AGK: variants seen among roughly 807,000 people sequenced by gnomAD.
The protein encoded by AGK is acylglycerol kinase, also known as acylglycerol kinase, mitochondrial.
Under a neutral mutation model 66.4 loss-of-function variants are expected in AGK, and 52 were observed. The observed-to-expected ratio is 0.78, with a 90% CI of 0.63 to 0.99. The LOEUF (loss-of-function observed/expected upper bound fraction) is 0.99. Ranked by LOEUF, AGK falls within the 50% of genes least tolerant of loss-of-function variation. AGK has a pLI of 0.00. For missense variants in AGK, 451 were observed against 506.6 expected, an observed-to-expected ratio of 0.89 and a Z score of 1.05; for synonymous variants, 182 against 181.1, an observed-to-expected ratio of 1.00 and a Z score of -0.04.
chr7:141,652,960 G>A lies in AGK; in HGVS notation c.*36G>A. 1 of 1,611,284 alleles carries A rather than the reference G, an allele frequency of 6.2e-7. No homozygotes were observed. The highest frequency in any genetic ancestry group is 1.1e-5 in the South Asian group (1 of 90,946). On this transcript the variant is annotated 3_prime_UTR_variant, in exon 16 of 16. Coordinates refer to ENST00000649286, the MANE Select transcript of AGK (RefSeq NM_018238.4). ...ACAAGCACTCTGAGACCACACTTTAGGCCACCGGTGGGACCAAAAGGGAAC... is the reference window on the plus strand; with the variant it reads ...ACAAGCACTCTGAGACCACACTTTAAGCCACCGGTGGGACCAAAAGGGAAC...
intron 13 of AGK, among the ~76,000 whole-genome samples, chr7:141,645,270 G>A (rs1308277449): frequency 6.6e-6 from 1 of 151,824 alleles, no homozygotes; most frequent in Admixed American, 6.6e-5. Context: ...GTCTTTTGCT[G>A]GATATATTCC....
At chr7:141,624,992 C>T (rs570734792) in intron 9 of AGK, among the ~76,000 whole-genome samples, 1 of 152,314 alleles carries the variant, frequency 6.6e-6, no homozygotes, top group Admixed American at 6.5e-5. Context: ...GCAACCACCA[C>T]CCTGATCAGT....
chr7:141,654,944 G>T lies in AGK; in HGVS notation c.*2020G>T, dbSNP rs996931815. ...GCTTTTGGCAAAAACATAACAGACGGTTCCAAACATCAGCATAAAGATCAC... is the reference window on the plus strand; with the variant it reads ...GCTTTTGGCAAAAACATAACAGACGTTTCCAAACATCAGCATAAAGATCAC... On this transcript the variant is annotated 3_prime_UTR_variant, in exon 16 of 16. Transcript: ENST00000649286. The T allele has an allele frequency of 6.6e-6, 1 of 152,176 alleles. No homozygotes were observed. The highest frequency in any genetic ancestry group is 1.5e-5 in the Non-Finnish European group (1 of 68,044). 9.4% of individuals were successfully genotyped at this position (152,176 alleles called of 1,614,324 possible). A position where few individuals can be genotyped will look rare whatever the true frequency, so the allele number is the denominator to read the frequency against.
chr7:141,582,953 T>G (rs1562964359), intron 2 of AGK, among the ~76,000 whole-genome samples: 1 of 151,630 alleles, frequency 6.6e-6, no homozygotes, highest in African/African-American at 2.4e-5. Flanking sequence ...TACTTGGGGT[T>G]GGGACTGAGG....
At chr7:141,639,554 A>T (rs1378988046) in intron 11 of AGK, among the ~76,000 whole-genome samples, 1 of 152,134 alleles carries the variant, frequency 6.6e-6, no homozygotes, top group Admixed American at 6.6e-5. Flanking sequence ...GAAGAGGAGT[A>T]AAGGGTAGGT....
intron 7 of AGK, among the ~76,000 whole-genome samples, chr7:141,614,849 G>A (rs1188902233): frequency 6.6e-6 from 1 of 152,158 alleles, no homozygotes. Flanking sequence ...GGGCACATGG[G>A]TGTTTTTGTA....
chr7:141,626,288 A>C (rs768044624), intron 9 of AGK, among the ~76,000 whole-genome samples: 37 of 152,234 alleles, frequency 2.4e-4, no homozygotes, highest in Non-Finnish European at 4.3e-4. Flanking sequence ...ATGAGTTTCC[A>C]GTGATATTTC....
intron 1 of AGK, among the ~76,000 whole-genome samples, chr7:141,551,639 C>T (rs990065789): frequency 1.3e-5 from 2 of 152,120 alleles, no homozygotes; most frequent in Non-Finnish European, 2.9e-5. Flanking sequence ...CGGGCCTGGC[C>T]GGCGCGGCAG....
chr7:141,567,944 A>G (rs931477977), intron 2 of AGK, among the ~76,000 whole-genome samples: 4 of 152,210 alleles, frequency 2.6e-5, no homozygotes, highest in Admixed American at 6.5e-5. Context: ...TAATATCTCA[A>G]TGGGTCACTG....
rs1796765807 is a variant in AGK, at chr7:141,618,962, A to G, written c.519-2770A>G. ...ACACTAACACTGATATACCTTTACA[A>G]AAACATGAAATACATATGGATAAAT... On this transcript the variant is annotated intron_variant, in intron 8 of 15. Transcript: ENST00000649286. 2.0e-5 allele frequency among the ~76,000 whole-genome samples: 3 copies of G among 152,176 alleles called. No individual in the cohort carries two copies. The South Asian group carries it at 6.2e-4, about 31-fold the overall frequency.
chr7:141,635,313 G>C (rs1159677204), intron 10 of AGK, among the ~76,000 whole-genome samples: 3 of 152,078 alleles, frequency 2.0e-5, no homozygotes, highest in Middle Eastern at 3.4e-3. Flanking sequence ...TCATTTCCTA[G>C]CTGGCTGTAG....
chr7:141,629,772 T>G (rs1200877161), intron 9 of AGK, among the ~76,000 whole-genome samples: 1 of 152,018 alleles, frequency 6.6e-6, no homozygotes, highest in Admixed American at 6.6e-5. Flanking sequence ...GGAATGTTCC[T>G]AAAAACTCTT....
At chr7:141,645,414 T>G (rs1797388883) in intron 13 of AGK, among the ~76,000 whole-genome samples, 1 of 152,208 alleles carries the variant, frequency 6.6e-6, no homozygotes, top group Non-Finnish European at 1.5e-5. Flanking sequence ...TATTATTAAT[T>G]ATTCTAACTT....
At chr7:141,589,591 G>A (rs915126534) in intron 2 of AGK, among the ~76,000 whole-genome samples, 15 of 150,078 alleles carry the variant, frequency 1.0e-4, no homozygotes, top group South Asian at 4.2e-4. Flanking sequence ...ATGGAGTTTC[G>A]CTCTTGTTGC....
chr7:141,589,454 A>G (rs1411130116), intron 2 of AGK, among the ~76,000 whole-genome samples: 1 of 152,188 alleles, frequency 6.6e-6, no homozygotes, highest in Non-Finnish European at 1.5e-5. Context: ...TCTCAATGGG[A>G]GAAATCTTTT....
intron 2 of AGK, 104 bp from the exon 3 acceptor site, chr7:141,593,042 T>C (rs1796156227): frequency 1.2e-5 from 11 of 945,632 alleles, no homozygotes; most frequent in Non-Finnish European, 1.5e-5. Flanking sequence ...TGGGGTGTTT[T>C]TAGAGAAGAG....
chr7:141,555,050 T>C lies in AGK; in HGVS notation c.-14-403T>C, dbSNP rs115375848. Among the ~76,000 whole-genome samples, 1,916 of 151,726 alleles carry C rather than the reference T, an allele frequency of 0.013. 52 individuals are homozygous for C. Among genetic ancestry groups the C allele is most frequent in the African/African-American group, 0.043 (1,756 of 41,034 alleles). ...TTTGGGACACTTACATTATGATGGA[T>C]AGACAAATGTATACTCTTAAACAGT... On this transcript the variant is annotated intron_variant, in intron 1 of 15. Coordinates refer to ENST00000649286, the MANE Select transcript of AGK (RefSeq NM_018238.4). The surrounding 1 kb of genome is among the most constrained non-coding windows in gnomAD (Gnocchi z 4.2).
Position 141,653,473 on chromosome 7 carries a change from ATGCTAGTTTTTATTTATTTT to A in AGK, c.*551_*570del, listed in dbSNP as rs1797612520. ...TCAGCCACGGCTACAATACCGGAAA[ATGCTAGTTTTTATTTATTTT>A]TTTAAGTAGTGCTTCCTAAATGGTT... is the stretch of plus-strand genomic sequence containing the variant. On this transcript the variant is annotated 3_prime_UTR_variant, in exon 16 of 16. Coordinates refer to ENST00000649286, the MANE Select transcript of AGK (RefSeq NM_018238.4). 1 of 152,332 alleles carries A rather than the reference ATGCTAGTTTTTATTTATTTT, an allele frequency of 6.6e-6. No individual in the cohort carries two copies. The highest frequency in any genetic ancestry group is 2.1e-4 in the South Asian group (1 of 4,832). The allele number at this position is 152,332 out of a possible 1,614,324, so 9.4% of individuals were successfully genotyped here.
At chr7:141,636,809 C>G (rs1009618826) in intron 10 of AGK, 151 bp from the exon 11 acceptor site, 5 of 513,046 alleles carry the variant, frequency 9.7e-6, no homozygotes, top group African/African-American at 9.5e-5. Context: ...GAATGTAATA[C>G]TCTTTTATAC....
Sources: allele counts gnomAD v4.1 joint callset (sites outside exome capture counted in the v4.1 genomes callset), GRCh38; gene constraint gnomAD v4.1.1; non-coding constraint Gnocchi (gnomAD v3.1); transcripts MANE v1.5; gene names NCBI Gene and HGNC (gene_info 2026-07-23, HGNC 2026-07-21).